CEACAM18: variants seen among roughly 807,000 people sequenced by gnomAD.
The protein encoded by CEACAM18 is cell adhesion molecule CEACAM18.
In CEACAM18, 33 loss-of-function variants were observed where a neutral mutation model predicts 34.3. That is an observed-to-expected ratio of 0.96 (90% CI 0.73 to 1.29). The LOEUF (loss-of-function observed/expected upper bound fraction) is 1.29, where lower values mean the gene tolerates loss of function less well. Ranked by LOEUF, CEACAM18 falls within the 50% of genes most tolerant of loss-of-function variation. The pLI is 0.00. For synonymous variants in CEACAM18, 169 were observed against 180.9 expected (o/e 0.93, Z 0.53); for missense variants, 474 against 485.0 (o/e 0.98, Z 0.21).
At chr19:51,481,751 G>GATAC in intron 3 of CEACAM18, 86 bp downstream of exon 3, 1 of 1,375,960 alleles carries the variant, frequency 7.3e-7, no homozygotes, top group Non-Finnish European at 9.7e-7. Flanking sequence ...AGGCTGAGCT[G>GATAC]GAGAGAGGGG....
intron 5 of CEACAM18, among the ~76,000 whole-genome samples, chr19:51,490,048 G>A (rs1990065945): frequency 6.6e-6 from 1 of 152,180 alleles, no homozygotes; most frequent in Non-Finnish European, 1.5e-5. Flanking sequence ...CGATATGAGA[G>A]CAGGGATCTG....
chr19:51,480,804 G>T, intron 2 of CEACAM18, 124 bp downstream of exon 2: 1 of 868,640 alleles, frequency 1.2e-6, no homozygotes, highest in Non-Finnish European at 1.8e-6. Flanking sequence ...CTGGAATCTT[G>T]TGTACCATGG....
exon 6 of CEACAM18, chr19:51,490,623 G>A: frequency 6.5e-6 from 8 of 1,232,498 alleles, no homozygotes; most frequent in Non-Finnish European, 8.1e-6. Flanking sequence ...CCCCAGACCT[G>A]AGGACAAGAC....
rs1990076400 is a variant in CEACAM18 at position 51,490,745 on chromosome 19, G to A, written c.*93G>A. The A allele has an allele frequency of 1.1e-5, 7 of 659,796 alleles. No individual in the cohort carries two copies. The South Asian group carries it at 3.9e-4, about 37-fold the overall frequency. The allele number at this position is 659,796 out of a possible 1,614,324, so 40.9% of individuals were successfully genotyped here. On this transcript the variant is annotated 3_prime_UTR_variant, in exon 6 of 6. Transcript: ENST00000396477. Reference sequence around the variant, plus strand: ...TCTTTGGAGGGTACTGGCAAGAGAGGGACCCAGCCCAGTCACACGGAAGCC... The same window carrying A: ...TCTTTGGAGGGTACTGGCAAGAGAGAGACCCAGCCCAGTCACACGGAAGCC...
intron 4 of CEACAM18, among the ~76,000 whole-genome samples, chr19:51,484,366 G>T (rs1989966456): frequency 6.7e-6 from 1 of 150,372 alleles, no homozygotes; most frequent in Admixed American, 6.6e-5. Flanking sequence ...CAGGCTGGAT[G>T]CAGTGGTGCA....
chr19:51,478,730 A>G, intron 1 of CEACAM18, 36 bp downstream of exon 1: 1 of 1,342,648 alleles, frequency 7.4e-7, no homozygotes, highest in African/African-American at 1.5e-5. Context: ...GCTTCCCAGG[A>G]CTGAGGGAAG....
chr19:51,478,831 G>A (rs1196402948), intron 1 of CEACAM18, 137 bp downstream of exon 1: 2 of 575,108 alleles, frequency 3.5e-6, no homozygotes, highest in South Asian at 3.5e-5. Flanking sequence ...GTCGGGGAGA[G>A]GAGAAGGGGG....
At chr19:51,489,211 T>C (rs1990049883) in intron 5 of CEACAM18, among the ~76,000 whole-genome samples, 2 of 148,796 alleles carry the variant, frequency 1.3e-5, no homozygotes, top group Admixed American at 6.7e-5. Context: ...TAAGTCAACC[T>C]CAGTGACTCA....
chr19:51,482,271 T>G (rs1323592073), intron 3 of CEACAM18, among the ~76,000 whole-genome samples: 1 of 152,200 alleles, frequency 6.6e-6, no homozygotes. Context: ...TACGCTGAAC[T>G]TATAAATACA....
chr19:51,485,187 C>G (rs1989979181), intron 5 of CEACAM18, 65 bp downstream of exon 5: 15 of 1,427,030 alleles, frequency 1.1e-5, no homozygotes, highest in African/African-American at 1.4e-5. Context: ...GGAGCCAGCC[C>G]TCCCTCCAGA....
At chr19:51,483,461 C>T in intron 4 of CEACAM18, 165 bp downstream of exon 4, 5 of 786,762 alleles carry the variant, frequency 6.4e-6, no homozygotes, top group Non-Finnish European at 8.2e-6. Flanking sequence ...AAAGCTGCCT[C>T]CTCTGTGAAT....
chr19:51,488,908 T>C (rs1368120972), intron 5 of CEACAM18, among the ~76,000 whole-genome samples: 3 of 152,266 alleles, frequency 2.0e-5, no homozygotes, highest in East Asian at 3.9e-4. Flanking sequence ...ACTATCTTGA[T>C]ATAAACATGT....
chr19:51,483,039 G>C, exon 4 of CEACAM18: 1 of 1,614,028 alleles, frequency 6.2e-7, no homozygotes, highest in Non-Finnish European at 8.5e-7. Flanking sequence ...ATGTGCTGCT[G>C]AGGAGCAATC....
intron 5 of CEACAM18, among the ~76,000 whole-genome samples, chr19:51,489,603 A>G (rs183433388): frequency 3.9e-5 from 6 of 152,244 alleles, no homozygotes; most frequent in Admixed American, 2.0e-4. Context: ...GAGCCTATTT[A>G]TGATTATTAT....
intron 5 of CEACAM18, among the ~76,000 whole-genome samples, chr19:51,489,438 G>A (rs141610411): frequency 6.6e-6 from 1 of 151,856 alleles, no homozygotes; most frequent in Non-Finnish European, 1.5e-5. Context: ...ATTGGATCTG[G>A]ATACCACCCA....
intron 2 of CEACAM18, 129 bp from the exon 3 acceptor site, chr19:51,481,264 C>A (rs915395197): frequency 9.9e-7 from 1 of 1,009,006 alleles, no homozygotes; most frequent in Admixed American, 2.6e-5. Flanking sequence ...AGCTCCCTTG[C>A]CAGGATGCCA....
chr19:51,483,019 G>A (rs1468389511), exon 4 of CEACAM18: 4 of 1,613,620 alleles, frequency 2.5e-6, no homozygotes, highest in Non-Finnish European at 3.4e-6. Flanking sequence ...CTCTACAGAT[G>A]GGCCCGACTA....
In CEACAM18 at chr19:51,479,286, G is replaced by T. The variant is rs542468290; in HGVS notation, c.52+592G>T. On this transcript the variant is annotated intron_variant, in intron 1 of 5. Coordinates refer to ENST00000396477, the Ensembl canonical transcript of CEACAM18. ...CCTCCTCCACATAGCCCAGGCTTGG[G>T]GTTCACAGGGCAGTGGACAACTGCC... 1.1e-3 allele frequency among the ~76,000 whole-genome samples: 166 copies of T among 152,350 alleles called. 1 individual carries two copies. Among genetic ancestry groups the T allele is most frequent in the African/African-American group, 3.8e-3 (160 of 41,590 alleles).
chr19:51,481,064 G>A (rs756675372), intron 2 of CEACAM18, among the ~76,000 whole-genome samples: 2 of 152,150 alleles, frequency 1.3e-5, no homozygotes, highest in Non-Finnish European at 2.9e-5. Flanking sequence ...GTAGCCAAAT[G>A]CCACCTCTCA....
Sources: gnomAD v4.1 joint callset for allele counts (sites outside exome capture counted in the v4.1 genomes callset) on GRCh38, gnomAD v4.1.1 for gene constraint, MANE v1.5 for transcripts, NCBI Gene and HGNC (gene_info 2026-07-23, HGNC 2026-07-21) for gene names.